Variants in KSR2 observed in about 807,000 individuals in gnomAD.
The protein encoded by KSR2 is kinase suppressor of ras 2.
In KSR2, 25 loss-of-function variants were observed where a neutral mutation model predicts 107.8. The ratio of observed to expected loss-of-function variants is 0.23; its 90% confidence interval spans 0.17 to 0.32. KSR2 has a LOEUF of 0.32. Ranked by LOEUF, KSR2 falls within the 10% of genes least tolerant of loss-of-function variation. KSR2 has a pLI of 1.00. For missense variants in KSR2, 887 were observed against 1,268.9 expected (o/e 0.70, Z 4.57); for synonymous variants, 480 against 507.0 (o/e 0.95, Z 0.71).
At chr12:117,635,764 T>C (rs1029430794) in intron 5 of KSR2, among the ~76,000 whole-genome samples, 15 of 151,702 alleles carry the variant, frequency 9.9e-5, no homozygotes, top group African/African-American at 3.6e-4. Flanking sequence ...AATACATCTG[T>C]CAAAACAAAG....
chr12:117,810,473 A>G (rs2137047623), intron 3 of KSR2, among the ~76,000 whole-genome samples: 1 of 152,222 alleles, frequency 6.6e-6, no homozygotes, highest in Non-Finnish European at 1.5e-5. Flanking sequence ...CATCATGCCC[A>G]GCTAATTATT....
At chr12:117,782,064 C>A (rs770312631) in intron 3 of KSR2, among the ~76,000 whole-genome samples, 11 of 152,274 alleles carry the variant, frequency 7.2e-5, no homozygotes, top group East Asian at 1.9e-4. Context: ...GATAGGGTAG[C>A]AAATTCGAAT....
chr12:117,728,201 T>C (rs138972724), intron 4 of KSR2, among the ~76,000 whole-genome samples: 90 of 152,300 alleles, frequency 5.9e-4, no homozygotes, highest in African/African-American at 2.0e-3. Flanking sequence ...GTATATAATT[T>C]ATACCTCAGC....
chr12:117,795,330 C>A (rs528218989), intron 3 of KSR2, among the ~76,000 whole-genome samples: 2 of 152,310 alleles, frequency 1.3e-5, no homozygotes, highest in East Asian at 1.9e-4. Context: ...ACCTTCCTGG[C>A]GACATCATCT....
intron 5 of KSR2, among the ~76,000 whole-genome samples, chr12:117,591,342 T>C (rs1157714271): frequency 6.6e-6 from 1 of 152,066 alleles, no homozygotes; most frequent in Non-Finnish European, 1.5e-5. Context: ...GGAGGAGTCT[T>C]CCTCCAGGGG....
At chr12:117,950,064 C>T (rs1896314309) in intron 1 of KSR2, among the ~76,000 whole-genome samples, 1 of 150,880 alleles carries the variant, frequency 6.6e-6, no homozygotes, top group South Asian at 2.1e-4. Flanking sequence ...ACCTCCGCCT[C>T]CTGGGCTCAA....
chr12:117,585,501 T>C (rs1235649084), intron 5 of KSR2, among the ~76,000 whole-genome samples: 1 of 152,232 alleles, frequency 6.6e-6, no homozygotes, highest in Non-Finnish European at 1.5e-5. Flanking sequence ...ATCATTAGTC[T>C]CAAGCAATAA....
At chr12:117,797,601 G>A (rs73215947) in intron 3 of KSR2, among the ~76,000 whole-genome samples, 128 of 147,906 alleles carry the variant, frequency 8.7e-4, no homozygotes, top group Non-Finnish European at 1.6e-3. Flanking sequence ...CAATGCTACC[G>A]AATTGTTCAC....
intron 14 of KSR2, among the ~76,000 whole-genome samples, chr12:117,491,912 C>T (rs1048887652): frequency 4.6e-5 from 7 of 152,244 alleles, no homozygotes; most frequent in East Asian, 1.9e-4. Flanking sequence ...CCATCGCCTA[C>T]GGCAATGAAG....
intron 1 of KSR2, among the ~76,000 whole-genome samples, chr12:117,892,686 C>A (rs1457177584): frequency 6.7e-6 from 1 of 148,364 alleles, no homozygotes; most frequent in East Asian, 2.0e-4. Flanking sequence ...GCTCCAACTG[C>A]AGAGCTAAGT....
chr12:117,966,652 GTC>G (rs759049435), intron 1 of KSR2, among the ~76,000 whole-genome samples: 142 of 93,842 alleles, frequency 1.5e-3, no homozygotes, highest in Non-Finnish European at 2.7e-3. Flanking sequence ...CACACATGCT[GTC>G]TCTCTCTTTC....
chr12:117,954,012 C>A (rs1006880046), intron 1 of KSR2, among the ~76,000 whole-genome samples: 7 of 151,930 alleles, frequency 4.6e-5, no homozygotes, highest in Non-Finnish European at 1.0e-4. Flanking sequence ...ATCACCTGAA[C>A]CCAGAAGTTT....
At chr12:117,512,943 A>T (rs1384850015) in intron 14 of KSR2, among the ~76,000 whole-genome samples, 1 of 152,150 alleles carries the variant, frequency 6.6e-6, no homozygotes, top group African/African-American at 2.4e-5. Flanking sequence ...AGACAACAAA[A>T]AAAGCAAACA....
intron 5 of KSR2, among the ~76,000 whole-genome samples, chr12:117,620,257 C>T (rs1324894755): frequency 3.3e-5 from 5 of 152,138 alleles, no homozygotes; most frequent in Non-Finnish European, 4.4e-5. Context: ...ATGTGAGCTT[C>T]CTGGGAGTCA....
In KSR2 at chr12:117,552,995, A is replaced by G. The variant is rs1877408932; in HGVS notation, c.1518+2174T>C. Among the ~76,000 whole-genome samples the G allele has an allele frequency of 3.3e-5, 5 of 152,216 alleles. No homozygotes were observed. In the South Asian group the frequency reaches 1.0e-3, roughly 32 times the overall value. On this transcript the variant is annotated intron_variant, in intron 9 of 19. Coordinates refer to ENST00000339824, the MANE Select transcript of KSR2 (RefSeq NM_173598.6). ...CCTGACCTACAGATTCTGTGAGTAT[A>G]ATAAAAGGATGATTGTCGTACGCCA...
intron 4 of KSR2, among the ~76,000 whole-genome samples, chr12:117,749,190 C>T (rs1888527076): frequency 6.7e-6 from 1 of 150,122 alleles, no homozygotes; most frequent in Non-Finnish European, 1.5e-5. Context: ...ATGGGAAGCC[C>T]TCGGTGTGTA....
At chr12:117,636,082 G>A (rs1420464762) in intron 5 of KSR2, among the ~76,000 whole-genome samples, 1 of 152,078 alleles carries the variant, frequency 6.6e-6, no homozygotes, top group Non-Finnish European at 1.5e-5. Context: ...GTGAGCCAGG[G>A]CACCTGGCCA....
rs1170781405 is a variant in KSR2, at chr12:117,461,904, A to G, written c.*5295T>C. ...ATCCACTCCTTTGTCAATGAACAAGAGTATAGATAAAATCAGATGCTGTGT... is the reference window on the plus strand; with the variant it reads ...ATCCACTCCTTTGTCAATGAACAAGGGTATAGATAAAATCAGATGCTGTGT... On this transcript the variant is annotated 3_prime_UTR_variant, in exon 20 of 20. Coordinates refer to ENST00000339824, the MANE Select transcript of KSR2 (RefSeq NM_173598.6). 1 of 152,238 alleles carries G rather than the reference A, an allele frequency of 6.6e-6. No individual in the cohort carries two copies. The highest frequency in any genetic ancestry group is 1.5e-5 in the Non-Finnish European group (1 of 68,060). The allele number at this position is 152,238 out of a possible 1,614,324, so 9.4% of individuals were successfully genotyped here. A position where few individuals can be genotyped will look rare whatever the true frequency, so the allele number is the denominator to read the frequency against.
chr12:117,843,082 G>C (rs920384195), intron 3 of KSR2, among the ~76,000 whole-genome samples: 1 of 152,118 alleles, frequency 6.6e-6, no homozygotes, highest in Non-Finnish European at 1.5e-5. Flanking sequence ...TGCCAGACAA[G>C]TGTTTATACG....
Sources: allele counts gnomAD v4.1 joint callset (sites outside exome capture counted in the v4.1 genomes callset), GRCh38; gene constraint gnomAD v4.1.1; transcripts MANE v1.5; gene names NCBI Gene and HGNC (gene_info 2026-07-23, HGNC 2026-07-21).